STARD13: variants seen among roughly 807,000 people sequenced by gnomAD.
The protein encoded by STARD13 is stAR-related lipid transfer protein 13.
In STARD13, 62 loss-of-function variants were observed where a neutral mutation model predicts 106.4. The observed-to-expected ratio is 0.58, with a 90% CI of 0.48 to 0.72. The LOEUF (loss-of-function observed/expected upper bound fraction) is 0.72. STARD13 is among the 30% of genes least tolerant of loss of function. The probability of loss-of-function intolerance (pLI) is 0.00; values close to 1 mark genes in which losing one functional copy is unlikely to be tolerated. For missense variants in STARD13, 1,387 were observed against 1,424.0 expected, an observed-to-expected ratio of 0.97 and a Z score of 0.42; for synonymous variants, 565 against 553.0, an observed-to-expected ratio of 1.02 and a Z score of -0.31.
intron 1 of STARD13, among the ~76,000 whole-genome samples, chr13:33,275,036 A>G (rs1034308567): frequency 6.6e-6 from 1 of 152,146 alleles, no homozygotes; most frequent in Non-Finnish European, 1.5e-5. Context: ...TCACTGCTAC[A>G]AGGTAAAGTT....
chr13:33,363,296 A>C, the STARD13 span, among the ~76,000 whole-genome samples: 1 of 152,198 alleles, frequency 6.6e-6, no homozygotes, highest in Non-Finnish European at 1.5e-5. Flanking sequence ...ATGTACACAC[A>C]GAGCTATTTT....
At chr13:33,393,773 CAG>C in the STARD13 span, among the ~76,000 whole-genome samples, 12 of 152,296 alleles carry the variant, frequency 7.9e-5, no homozygotes, top group African/African-American at 2.9e-4. Flanking sequence ...TTGTGAAACT[CAG>C]ATTAAATAAC....
the STARD13 span, among the ~76,000 whole-genome samples, chr13:33,412,708 A>G: frequency 2.0e-5 from 3 of 152,218 alleles, no homozygotes; most frequent in South Asian, 2.1e-4. Flanking sequence ...CAAAAAAATG[A>G]CGAGAGTCAT....
chr13:33,466,394 T>G, the STARD13 span, among the ~76,000 whole-genome samples: 4 of 152,280 alleles, frequency 2.6e-5, no homozygotes, highest in African/African-American at 9.6e-5. Flanking sequence ...CCCTCTCCTA[T>G]TTCAATAAAT....
rs146627059 is a variant in STARD13, at chr13:33,321,069, T to C, written c.124+29221A>G. ...ATGTTTAAAATAACATTGAATGTAT[T>C]GTATTTGCTAGAAATAACATTATTA... On this transcript the variant is annotated intron_variant, in intron 1 of 5. Coordinates refer to the STARD13 transcript ENST00000567873. 4.7e-3 allele frequency among the ~76,000 whole-genome samples: 718 copies of C among 152,344 alleles called. 6 individuals carry two copies. Among genetic ancestry groups the C allele is most frequent in the African/African-American group, 0.016 (676 of 41,584 alleles).
At chr13:33,417,700 A>C in the STARD13 span, among the ~76,000 whole-genome samples, 2 of 152,216 alleles carry the variant, frequency 1.3e-5, no homozygotes, top group African/African-American at 4.8e-5. Context: ...GTTTATACAA[A>C]ATGTTCAGAA....
At chr13:33,599,467 A>C in the STARD13 span, among the ~76,000 whole-genome samples, 17 of 152,300 alleles carry the variant, frequency 1.1e-4, no homozygotes, top group South Asian at 2.3e-3. Flanking sequence ...CTTGTTTATC[A>C]ATTTCCTTAT....
intron 4 of STARD13, among the ~76,000 whole-genome samples, chr13:33,141,986 A>G (rs1169931675): frequency 1.3e-5 from 2 of 152,218 alleles, no homozygotes; most frequent in Non-Finnish European, 2.9e-5. Context: ...CATGGAGAAT[A>G]CACATGGATG....
chr13:33,398,574 A>C, the STARD13 span, among the ~76,000 whole-genome samples: 1 of 152,238 alleles, frequency 6.6e-6, no homozygotes, highest in Non-Finnish European at 1.5e-5. Flanking sequence ...ATATAGATGC[A>C]GAATATATAT....
At chr13:33,173,218 G>A (rs1017642702) in intron 1 of STARD13, among the ~76,000 whole-genome samples, 2 of 152,214 alleles carry the variant, frequency 1.3e-5, no homozygotes, top group East Asian at 1.9e-4. Context: ...TATGGCTAAG[G>A]TAGCTTCATT....
At chr13:33,215,115 T>G in intron 1 of STARD13, among the ~76,000 whole-genome samples, 2 of 37,972 alleles carry the variant, frequency 5.3e-5, no homozygotes, top group African/African-American at 1.3e-4. Flanking sequence ...ATAGAATGAG[T>G]ACTTGGGGGG....
the STARD13 span, among the ~76,000 whole-genome samples, chr13:33,615,268 C>G: frequency 5.3e-5 from 8 of 151,986 alleles, no homozygotes; most frequent in African/African-American, 1.9e-4. Context: ...TGGCCTAAGG[C>G]AAGGGTTGGG....
intron 1 of STARD13, among the ~76,000 whole-genome samples, chr13:33,329,729 A>T (rs2077815808): frequency 6.9e-6 from 1 of 144,928 alleles, no homozygotes; most frequent in South Asian, 2.2e-4. Flanking sequence ...TTTGAGACAG[A>T]ATCTGGCTTT....
At chr13:33,441,604 T>C in the STARD13 span, among the ~76,000 whole-genome samples, 2 of 152,170 alleles carry the variant, frequency 1.3e-5, no homozygotes, top group Non-Finnish European at 1.5e-5. Context: ...TAAATATTGG[T>C]TGATTATTGT....
At chr13:33,377,040 C>T in the STARD13 span, among the ~76,000 whole-genome samples, 11 of 152,208 alleles carry the variant, frequency 7.2e-5, no homozygotes, top group Non-Finnish European at 1.5e-4. Flanking sequence ...GAAAAACTTA[C>T]TGAGACTCTT....
At chr13:33,235,425 G>A (rs1268953094) in intron 1 of STARD13, among the ~76,000 whole-genome samples, 3 of 152,188 alleles carry the variant, frequency 2.0e-5, no homozygotes, top group African/African-American at 7.2e-5. Context: ...GCAGTGTCCA[G>A]CCAGTGCAGA....
At chr13:33,499,992 A>G in the STARD13 span, among the ~76,000 whole-genome samples, 7 of 151,684 alleles carry the variant, frequency 4.6e-5, no homozygotes, top group South Asian at 2.1e-4. Context: ...GGCCTAAAGC[A>G]ATCCTCCCAC....
chr13:33,395,283 G>T, the STARD13 span, among the ~76,000 whole-genome samples: 1 of 152,110 alleles, frequency 6.6e-6, no homozygotes, highest in Non-Finnish European at 1.5e-5. Context: ...ACAATTTATA[G>T]TAGTGTTTTG....
At chr13:33,525,807 G>A in the STARD13 span, among the ~76,000 whole-genome samples, 1 of 152,072 alleles carries the variant, frequency 6.6e-6, no homozygotes, top group Non-Finnish European at 1.5e-5. Context: ...GTTTTTGGTG[G>A]GAGGGGGAAT....
Sources: allele counts gnomAD v4.1 joint callset (sites outside exome capture counted in the v4.1 genomes callset), GRCh38; gene constraint gnomAD v4.1.1; transcripts MANE v1.5; gene names NCBI Gene and HGNC (gene_info 2026-07-23, HGNC 2026-07-21).